CCDC88A: variants seen among roughly 807,000 people sequenced by gnomAD.
The protein encoded by CCDC88A is girdin.
CCDC88A carries 54 observed loss-of-function variants against 234.3 expected under a neutral mutation model. The ratio of observed to expected loss-of-function variants is 0.23; its 90% CI spans 0.19 to 0.29. The LOEUF (loss-of-function observed/expected upper bound fraction) is 0.29. Among genes scored for constraint, CCDC88A ranks in the 10% least tolerant of loss-of-function variants. The pLI is 1.00. For synonymous variants in CCDC88A, 753 were observed against 737.8 expected, an observed-to-expected ratio of 1.02 and a Z score of -0.33; for missense variants, 1,832 against 2,123.4, an observed-to-expected ratio of 0.86 and a Z score of 2.70.
chr2:55,383,447 C>T (rs1453271072), intron 3 of CCDC88A, among the ~76,000 whole-genome samples: 3 of 151,558 alleles, frequency 2.0e-5, no homozygotes, highest in East Asian at 1.9e-4. Flanking sequence ...GGTGAAACCC[C>T]GTCTCTATTA....
chr2:55,336,299 A>G (rs2104694815), intron 14 of CCDC88A, among the ~76,000 whole-genome samples: 1 of 152,306 alleles, frequency 6.6e-6, no homozygotes, highest in South Asian at 2.1e-4. Flanking sequence ...AAATTTGGTA[A>G]TATCCAAGAC....
chr2:55,305,965 G>C (rs572691409), intron 25 of CCDC88A: 2 of 152,142 alleles, frequency 1.3e-5, no homozygotes, highest in East Asian at 3.9e-4. Flanking sequence ...GTGCAGGCTG[G>C]AGTGCAGTGG....
chr2:55,298,928 G>A (rs937684211), intron 29 of CCDC88A, among the ~76,000 whole-genome samples: 2 of 150,808 alleles, frequency 1.3e-5, no homozygotes, highest in African/African-American at 4.9e-5. Flanking sequence ...GGCCGGGCAA[G>A]GTGGCTCACA....
In CCDC88A at chr2:55,334,067, T is replaced by G. The variant is rs757719412; in HGVS notation, c.2727+27A>C. On this transcript the variant is annotated intron_variant, in intron 15 of 32. Coordinates refer to ENST00000436346, the MANE Select transcript of CCDC88A (RefSeq NM_001365480.1). This position sits in a 1 kb window ranked among gnomAD's most constrained non-coding sequence, Gnocchi z 6.1. Reference sequence around the variant, plus strand: ...TGAGTTAAAAATATAAAAAAAAATTTGCCTTAATTTAGGTAAACATATTTA... The same window carrying G: ...TGAGTTAAAAATATAAAAAAAAATTGGCCTTAATTTAGGTAAACATATTTA... 1.1e-6 allele frequency: 1 copy of G among 881,492 alleles called. No homozygotes were observed. Among genetic ancestry groups the G allele is most frequent in the Non-Finnish European group, 1.6e-6 (1 of 632,944 alleles). 54.6% of individuals were successfully genotyped at this position (881,492 alleles called of 1,614,324 possible).
At chr2:55,418,539 A>T in intron 2 of CCDC88A, 1 of 429,642 alleles carries the variant, frequency 2.3e-6, no homozygotes, top group East Asian at 3.5e-5. Flanking sequence ...ATCAAAGAAT[A>T]CACAATGTGG....
intron 2 of CCDC88A, among the ~76,000 whole-genome samples, chr2:55,412,309 G>C (rs1045454806): frequency 6.6e-6 from 1 of 151,806 alleles, no homozygotes; most frequent in Non-Finnish European, 1.5e-5. Flanking sequence ...GACTTCACAA[G>C]GTATTAAAGG....
chr2:55,314,134 G>C (rs948243266), intron 22 of CCDC88A: 1 of 152,240 alleles, frequency 6.6e-6, no homozygotes, highest in Non-Finnish European at 1.5e-5. Context: ...CTGGAGGATG[G>C]AGAGACCACA....
At position 55,332,439 on chromosome 2, in the gene CCDC88A, G is replaced by C; in HGVS notation, c.2855+127C>G. The C allele has an allele frequency of 7.3e-7, 1 of 1,379,096 alleles. No homozygotes were observed. The highest frequency in any genetic ancestry group is 9.4e-7 in the Non-Finnish European group (1 of 1,066,370). The allele number at this position is 1,379,096 out of a possible 1,614,324, so 85.4% of individuals were successfully genotyped here. ...ACCCGGCTACAGAACTTTCCTTAAG[G>C]GAAGGAAGGAACCAGAAATAGGGTG... On this transcript the variant is annotated intron_variant, in intron 16 of 32. Transcript: ENST00000436346. This position sits in a 1 kb window ranked among gnomAD's most constrained non-coding sequence, Gnocchi z 4.5.
At chr2:55,369,035 A>T (rs1672422344) in intron 5 of CCDC88A, among the ~76,000 whole-genome samples, 1 of 152,036 alleles carries the variant, frequency 6.6e-6, no homozygotes, top group African/African-American at 2.4e-5. Flanking sequence ...CCCACAGAAT[A>T]ATTTTTTTCT....
chr2:55,290,961 A>G lies in CCDC88A; in HGVS notation c.*239T>C, dbSNP rs749796027. On this transcript the variant is annotated 3_prime_UTR_variant, in exon 33 of 33. Coordinates refer to ENST00000436346, the MANE Select transcript of CCDC88A (RefSeq NM_001365480.1). The stretch of plus-strand genomic sequence containing the variant: ...CAGTACAAGGTATAGTAAGTCCTAA[A>G]ACCTTTAAAAAATTTTGGCAGTTGA... 5 of 152,520 alleles carry G rather than the reference A, an allele frequency of 3.3e-5. No homozygotes were observed. The highest frequency in any genetic ancestry group is 7.4e-5 in the Non-Finnish European group (5 of 67,948). 9.4% of individuals were successfully genotyped at this position (152,520 alleles called of 1,614,324 possible). A position where few individuals can be genotyped will look rare whatever the true frequency, so the allele number is the denominator to read the frequency against.
At chr2:55,324,302 T>C (rs1047502945) in intron 17 of CCDC88A, 4 of 152,250 alleles carry the variant, frequency 2.6e-5, no homozygotes, top group Non-Finnish European at 5.9e-5. Flanking sequence ...TTCGGTAGTT[T>C]TGAGAATGGC....
At chr2:55,343,970 G>C (rs1231723281) in intron 11 of CCDC88A, 178 bp from the exon 12 acceptor site, 2 of 479,360 alleles carry the variant, frequency 4.2e-6, no homozygotes, top group Non-Finnish European at 7.2e-6. Context: ...CTGATTAAGT[G>C]TCTGACATCC....
At chr2:55,293,796 T>C (rs1679717224) in intron 31 of CCDC88A, 1 of 152,190 alleles carries the variant, frequency 6.6e-6, no homozygotes, top group Admixed American at 6.5e-5. Flanking sequence ...TTATGGGTTT[T>C]TTTGTTTTTA....
intron 2 of CCDC88A, among the ~76,000 whole-genome samples, chr2:55,408,630 G>A (rs1438619362): frequency 6.6e-6 from 1 of 152,110 alleles, no homozygotes; most frequent in East Asian, 1.9e-4. Context: ...AAAAAGGGGA[G>A]GCATGAATAA....
At position 55,368,512 on chromosome 2, in the gene CCDC88A, T is replaced by C. The variant is rs952175068; in HGVS notation, c.402+3940A>G. Reference sequence around the variant, plus strand: ...AAAAAAAAATTTTTTTTTGTATAAATAGAGTTTCCTTATGCTGCCCAGGTT... The same window carrying C: ...AAAAAAAAATTTTTTTTTGTATAAACAGAGTTTCCTTATGCTGCCCAGGTT... On this transcript the variant is annotated intron_variant, in intron 5 of 32. Coordinates refer to ENST00000436346, the MANE Select transcript of CCDC88A (RefSeq NM_001365480.1). 2.0e-5 allele frequency among the ~76,000 whole-genome samples: 3 copies of C among 151,882 alleles called. No individual in the cohort carries two copies. The South Asian group carries it at 6.3e-4, about 32-fold the overall frequency.
chr2:55,397,944 G>C (rs1677898874), intron 2 of CCDC88A, among the ~76,000 whole-genome samples: 1 of 151,604 alleles, frequency 6.6e-6, no homozygotes, highest in East Asian at 1.9e-4. Flanking sequence ...AATAATTCTG[G>C]GTATAAAAGG....
At chr2:55,409,826 C>T (rs1416260664) in intron 2 of CCDC88A, among the ~76,000 whole-genome samples, 1 of 150,834 alleles carries the variant, frequency 6.6e-6, no homozygotes, top group East Asian at 2.0e-4. Context: ...CTGCAACCTC[C>T]GCCTCCCAGC....
rs1348036729 is a variant in CCDC88A, at chr2:55,335,707, T to A, written c.1657-543A>T. Among the ~76,000 whole-genome samples the A allele has an allele frequency of 6.6e-6, 1 of 152,168 alleles. No individual in the cohort carries two copies. Among genetic ancestry groups the A allele is most frequent in the African/African-American group, 2.4e-5 (1 of 41,440 alleles). On this transcript the variant is annotated intron_variant, in intron 14 of 32. Coordinates refer to ENST00000436346, the MANE Select transcript of CCDC88A (RefSeq NM_001365480.1). This position sits in a 1 kb window ranked among gnomAD's most constrained non-coding sequence, Gnocchi z 4.5. ...TCACTGGGTACATTTGGGAACTAAT[T>A]CATCCAATTTATAGCGTGATCTAAT...
intron 17 of CCDC88A, among the ~76,000 whole-genome samples, chr2:55,325,113 G>C (rs539306741): frequency 6.6e-6 from 1 of 152,158 alleles, no homozygotes; most frequent in Non-Finnish European, 1.5e-5. Flanking sequence ...TGCCTGTTGG[G>C]ATTTTAATTG....
Sources: allele counts gnomAD v4.1 joint callset (sites outside exome capture counted in the v4.1 genomes callset), GRCh38; gene constraint gnomAD v4.1.1; non-coding constraint Gnocchi (gnomAD v3.1); transcripts MANE v1.5; gene names NCBI Gene and HGNC (gene_info 2026-07-23, HGNC 2026-07-21).